Variants in ZNF69 observed in about 807,000 individuals in gnomAD.
ZNF69 encodes zinc finger protein 69.
A neutral mutation model predicts 50.9 loss-of-function variants in ZNF69; 47 were observed. That is an observed-to-expected ratio of 0.92 (90% CI 0.73 to 1.18). ZNF69 has a LOEUF of 1.18. ZNF69 is among the 50% of genes most tolerant of loss of function. The pLI, the probability that ZNF69 is intolerant of heterozygous loss-of-function variation, is 0.00. For synonymous variants in ZNF69, 216 were observed against 223.1 expected (o/e 0.97, Z 0.29); for missense variants, 717 against 675.1 (o/e 1.06, Z -0.69).
chr19:11,975,059 T>C, the ZNF69 span, among the ~76,000 whole-genome samples: 1 of 152,228 alleles, frequency 6.6e-6, no homozygotes, highest in African/African-American at 2.4e-5. Context: ...TATCCTGATG[T>C]TTCTTGCATG....
At chr19:11,921,996 G>A in the ZNF69 span, among the ~76,000 whole-genome samples, 2 of 152,000 alleles carry the variant, frequency 1.3e-5, no homozygotes, top group African/African-American at 2.4e-5. Flanking sequence ...AAAGAAAAAA[G>A]AAAAGCACAA....
chr19:11,950,874 C>T, the ZNF69 span: 4 of 170,284 alleles, frequency 2.3e-5, no homozygotes, highest in African/African-American at 4.8e-5. Flanking sequence ...CTTTTTGCAC[C>T]GGGCACAGTG....
the ZNF69 span, among the ~76,000 whole-genome samples, chr19:11,952,304 A>G: frequency 6.6e-6 from 1 of 152,250 alleles, no homozygotes; most frequent in South Asian, 2.1e-4. Flanking sequence ...TTTACTAGAA[A>G]GTACCTTAGT....
chr19:11,979,400 C>A, the ZNF69 span: 1 of 1,609,164 alleles, frequency 6.2e-7, no homozygotes. Flanking sequence ...TGCCTCACAC[C>A]TTCAAATTCA....
chr19:11,954,995 A>AT, the ZNF69 span, among the ~76,000 whole-genome samples: 1,184 of 145,966 alleles, frequency 8.1e-3, 6 homozygotes, highest in South Asian at 0.015. Flanking sequence ...GTTTCAAAAA[A>AT]ATTTTTTTTT....
intron 1 of ZNF69, among the ~76,000 whole-genome samples, chr19:11,903,356 C>T (rs149781994): frequency 9.5e-4 from 144 of 152,218 alleles, no homozygotes; most frequent in African/African-American, 3.3e-3. Flanking sequence ...GGCAGTGAGC[C>T]GAGATCACGC....
chr19:11,950,986 A>G, the ZNF69 span, among the ~76,000 whole-genome samples: 1 of 151,734 alleles, frequency 6.6e-6, no homozygotes, highest in Non-Finnish European at 1.5e-5. Flanking sequence ...CCCTGTCTCT[A>G]CTAAAAATAC....
chr19:11,976,787 AC>A, the ZNF69 span: 1 of 1,057,308 alleles, frequency 9.5e-7, no homozygotes, highest in Non-Finnish European at 1.2e-6. Context: ...AATCGCTTGA[AC>A]CCCGGTCATG....
chr19:11,951,401 G>A, the ZNF69 span, among the ~76,000 whole-genome samples: 12 of 151,582 alleles, frequency 7.9e-5, no homozygotes, highest in African/African-American at 2.7e-4. Context: ...GCTAGTATTC[G>A]TATTTTTTTA....
the ZNF69 span, among the ~76,000 whole-genome samples, chr19:11,975,054 T>G: frequency 6.6e-6 from 1 of 152,174 alleles, no homozygotes; most frequent in African/African-American, 2.4e-5. Flanking sequence ...GCAATTATCC[T>G]GATGTTTCTT....
chr19:11,898,569 T>G (rs1301597626), intron 1 of ZNF69, among the ~76,000 whole-genome samples: 1 of 152,010 alleles, frequency 6.6e-6, no homozygotes, highest in Non-Finnish European at 1.5e-5. Context: ...TTTTGTATTT[T>G]TAGTAGAGAG....
At chr19:11,946,908 G>A in the ZNF69 span, 7 of 461,064 alleles carry the variant, frequency 1.5e-5, no homozygotes, top group African/African-American at 4.2e-5. Flanking sequence ...GCTGAGGCAG[G>A]AGAATCGCTT....
At chr19:11,925,134 G>A in the ZNF69 span, 143 of 1,566,342 alleles carry the variant, frequency 9.1e-5, 3 homozygotes, top group South Asian at 1.5e-3. Flanking sequence ...CGCGGGCGGC[G>A]GTTGGTAACC....
At chr19:11,955,500 C>T in the ZNF69 span, among the ~76,000 whole-genome samples, 1 of 151,298 alleles carries the variant, frequency 6.6e-6, no homozygotes, top group Non-Finnish European at 1.5e-5. Flanking sequence ...CTTAAGCTAT[C>T]CTTCCACCTC....
chr19:11,979,027 A>T, the ZNF69 span: 1 of 1,614,210 alleles, frequency 6.2e-7, no homozygotes, highest in Non-Finnish European at 8.5e-7. Flanking sequence ...AAAAAACCTT[A>T]TGAATGTAAG....
rs1972378683 is a variant in ZNF69, at chr19:11,906,587, A to T, written c.*489A>T. Among the ~76,000 whole-genome samples, 1 of 152,174 alleles carries T rather than the reference A, an allele frequency of 6.6e-6. No individual in the cohort carries two copies. On this transcript the variant is annotated 3_prime_UTR_variant, in exon 4 of 4. Coordinates refer to ENST00000429654, the MANE Select transcript of ZNF69 (RefSeq NM_001364730.1). ...AGGGTCTGGAGTGGACCTCAAGCAA[A>T]ATCCAACAGACCTCAGCTGAGGGTC...
intron 1 of ZNF69, among the ~76,000 whole-genome samples, chr19:11,892,052 A>G (rs279190): frequency 0.35 from 53,479 of 151,416 alleles, 10,845 homozygotes; most frequent in African/African-American, 0.55. Context: ...ATCATGGCTT[A>G]CTGCAGCCTT....
chr19:11,917,213 T>G (rs531472804), downstream of ZNF69, among the ~76,000 whole-genome samples: 2 of 152,296 alleles, frequency 1.3e-5, no homozygotes, highest in African/African-American at 4.8e-5. Flanking sequence ...TGCTTAGTGC[T>G]GGAGAATTGA....
intron 1 of ZNF69, among the ~76,000 whole-genome samples, chr19:11,897,733 G>T (rs542702434): frequency 1.3e-5 from 2 of 150,480 alleles, no homozygotes; most frequent in African/African-American, 4.9e-5. Flanking sequence ...TTAGCCGAGC[G>T]TGGTGGTGGG....
Sources: allele counts gnomAD v4.1 joint callset (sites outside exome capture counted in the v4.1 genomes callset), GRCh38; gene constraint gnomAD v4.1.1; transcripts MANE v1.5; gene names NCBI Gene and HGNC (gene_info 2026-07-23, HGNC 2026-07-21).